The following TNFRSF10C variants were observed in gnomAD, a reference collection of about 807,000 sequenced individuals.
TNFRSF10C encodes tumor necrosis factor receptor superfamily member 10C.
TNFRSF10C carries 17 observed loss-of-function variants against 16.7 expected under a neutral mutation model. That is an observed-to-expected ratio of 1.02 (90% confidence interval 0.70 to 1.53). The LOEUF is 1.53. Among genes scored for constraint, TNFRSF10C ranks in the 40% most tolerant of loss-of-function variants. The pLI is 0.00. For synonymous variants in TNFRSF10C, 73 were observed against 119.7 expected (o/e 0.61, Z 2.55); for missense variants, 237 against 329.7 (o/e 0.72, Z 2.18).
At chr8:23,108,440 T>C (rs2128830374) in intron 1 of TNFRSF10C, among the ~76,000 whole-genome samples, 1 of 152,304 alleles carries the variant, frequency 6.6e-6, no homozygotes, top group East Asian at 1.9e-4. Context: ...GAGACACAGT[T>C]ATCAACTACC....
intron 1 of TNFRSF10C, among the ~76,000 whole-genome samples, chr8:23,107,206 G>A (rs4871849): frequency 0.62 from 94,960 of 151,996 alleles, 30,165 homozygotes; most frequent in Non-Finnish European, 0.69. Flanking sequence ...CAAACAAACA[G>A]AAAAACAGAA....
intron 1 of TNFRSF10C, among the ~76,000 whole-genome samples, chr8:23,110,376 AT>A (rs1201996301): frequency 6.6e-6 from 1 of 152,158 alleles, no homozygotes; most frequent in South Asian, 2.1e-4. Context: ...CATTGTAACC[AT>A]TTTGGTTTTG....
At chr8:23,106,609 G>T (rs1260136398) in intron 1 of TNFRSF10C, among the ~76,000 whole-genome samples, 1 of 152,158 alleles carries the variant, frequency 6.6e-6, no homozygotes, top group Non-Finnish European at 1.5e-5. Context: ...GTAACTATGT[G>T]AGGAGCTAAA....
In TNFRSF10C at chr8:23,114,813, GC is replaced by G. The variant is rs748217175; in HGVS notation, c.280+44del. 4.6e-4 allele frequency: 712 copies of G among 1,557,872 alleles called. No individual in the cohort carries two copies. The African/African-American group carries it at 8.3e-3, about 18-fold the overall frequency. On this transcript the variant is annotated intron_variant, in intron 3 of 4. Transcript: ENST00000356864. ...CTCTTGTCCAGAGGTGGAGCGTGGG[GC>G]AATGAGGTGGGAGTTGTAGCCGATA...
Position 23,114,758 on chromosome 8 carries a change from GT to G in TNFRSF10C, c.271del (p.Cys91ValfsTer13), listed in dbSNP as rs537005361. 5.5e-3 allele frequency: 8,868 copies of G among 1,613,780 alleles called. 36 individuals are homozygous for G. Among genetic ancestry groups the G allele is most frequent in the Non-Finnish European group, 6.9e-3 (8,197 of 1,179,682 alleles). ...NNEPSCFPCT[V>X]CKSDQKHKSS... is the part of the protein sequence containing the mutation. ...TGAACCTTCTTGCTTCCCATGTACA[GT>G]TTGTAAATCAGGTACAGAATGTGTG... On this transcript the variant is annotated frameshift_variant, in exon 3 of 5. Transcript: ENST00000356864. LOFTEE classifies it high-confidence loss of function.
At chr8:23,106,457 T>G (rs1813779330) in intron 1 of TNFRSF10C, among the ~76,000 whole-genome samples, 1 of 147,578 alleles carries the variant, frequency 6.8e-6, no homozygotes. Context: ...TAGCTGGGCC[T>G]GAGAATTTGA....
chr8:23,110,623 G>A (rs1460858937), intron 1 of TNFRSF10C, among the ~76,000 whole-genome samples: 1 of 152,150 alleles, frequency 6.6e-6, no homozygotes, highest in Non-Finnish European at 1.5e-5. Context: ...TAGAGATCAT[G>A]GCCAGAATCC....
rs61058025 is a variant in TNFRSF10C, at chr8:23,106,428, ATT to A, written c.60+3265_60+3266del. The stretch of plus-strand genomic sequence containing the variant: ...TCTCCTTTAGATGCCCCCCCACCCG[ATT>A]TTTTTTTTTTTTTTTTTAGCTGGGC... On this transcript the variant is annotated intron_variant, in intron 1 of 4. Transcript: ENST00000356864. 2.8e-4 allele frequency among the ~76,000 whole-genome samples: 36 copies of A among 129,964 alleles called. 1 individual carries two copies. The highest frequency in any genetic ancestry group is 4.0e-4 in the African/African-American group (14 of 34,678). 85.3% of individuals were successfully genotyped at this position (129,964 alleles called of 152,430 possible).
rs1310257958 is a variant in TNFRSF10C at position 23,116,653 on chromosome 8, G to A, written c.402G>A (p.Gly134=). 18 of 1,613,660 alleles carry A rather than the reference G, an allele frequency of 1.1e-5. No individual in the cohort carries two copies. The East Asian group carries it at 3.3e-4, about 30-fold the overall frequency. Reference sequence around the variant, plus strand: ...TGTGTGTACCCAGGTGCCCTAGTGGGGAAGTCCAAGTCAGTAATTGTACGT... The same window carrying A: ...TGTGTGTACCCAGGTGCCCTAGTGGAGAAGTCCAAGTCAGTAATTGTACGT... ...MCRKCSRCPS[G]EVQVSNCTSW... The change falls in exon 5 of 5, where the codon GGG becomes GGA. Residue 134 remains glycine (G), a synonymous_variant. Transcript: ENST00000356864.
intron 1 of TNFRSF10C, among the ~76,000 whole-genome samples, chr8:23,106,424 C>A (rs1201435308): frequency 6.8e-6 from 1 of 147,554 alleles, no homozygotes; most frequent in Non-Finnish European, 1.5e-5. Flanking sequence ...TGCCCCCCCA[C>A]CCGATTTTTT....
intron 1 of TNFRSF10C, 40 bp downstream of exon 1, chr8:23,103,221 C>T: frequency 1.9e-6 from 3 of 1,595,430 alleles, no homozygotes; most frequent in Non-Finnish European, 2.6e-6. Flanking sequence ...GAAGAGCGCA[C>T]CTGGCGCCGG....
In TNFRSF10C at chr8:23,103,110, G is replaced by C; in HGVS notation, c.-12G>C. The stretch of plus-strand genomic sequence containing the variant: ...GCGACCCAGGACCCAGGACGGCGTC[G>C]GGAACCATACCATGGCCCGGATCCC... On this transcript the variant is annotated 5_prime_UTR_variant, in exon 1 of 5. Transcript: ENST00000356864. 1 of 1,609,850 alleles carries C rather than the reference G, an allele frequency of 6.2e-7. No individual in the cohort carries two copies. Among genetic ancestry groups the C allele is most frequent in the Non-Finnish European group, 8.5e-7 (1 of 1,178,444 alleles).
Position 23,111,832 on chromosome 8 carries a change from T to A in TNFRSF10C, c.166+7T>A, listed in dbSNP as rs750495872. The stretch of plus-strand genomic sequence containing the variant: ...GGGGAGGAGTGTCCAGCAGGTGCAC[T>A]CTTATTTTTAAAAATCAGTTTATTT... On this transcript the variant is annotated splice_region_variant and intron_variant, in intron 2 of 4. Coordinates refer to ENST00000356864, the MANE Select transcript of TNFRSF10C (RefSeq NM_003841.5). 3.7e-6 allele frequency: 6 copies of A among 1,612,464 alleles called. No individual in the cohort carries two copies. The African/African-American group carries it at 8.0e-5, about 22-fold the overall frequency.
chr8:23,110,698 C>CT (rs1813864904), intron 1 of TNFRSF10C, among the ~76,000 whole-genome samples: 1 of 152,092 alleles, frequency 6.6e-6, no homozygotes, highest in African/African-American at 2.4e-5. Context: ...TGACAAGGTC[C>CT]TTTGTAAAGC....
At chr8:23,108,298 A>G (rs193078640) in intron 1 of TNFRSF10C, among the ~76,000 whole-genome samples, 76 of 152,318 alleles carry the variant, frequency 5.0e-4, no homozygotes, top group African/African-American at 1.7e-3. Flanking sequence ...AGGTTGGCCT[A>G]CTTCCAGGAT....
chr8:23,115,714 C>T, intron 4 of TNFRSF10C, 98 bp downstream of exon 4: 1 of 945,894 alleles, frequency 1.1e-6, no homozygotes. Flanking sequence ...ATGGAGCCTC[C>T]AGACCCATGG....
rs1235920756 is a variant in TNFRSF10C at position 23,116,649 on chromosome 8, G to C, written c.398G>C (p.Ser133Thr). ...TCTCTGTGTGTACCCAGGTGCCCTAGTGGGGAAGTCCAAGTCAGTAATTGT... is the reference window on the plus strand; with the variant it reads ...TCTCTGTGTGTACCCAGGTGCCCTACTGGGGAAGTCCAAGTCAGTAATTGT... ...EMCRKCSRCP[S>T]GEVQVSNCTS... The change falls in exon 5 of 5, where the codon AGT becomes ACT. Residue 133 changes from serine to threonine, a missense_variant. Physicochemically the swap from Ser to Thr is moderately conservative, Grantham distance 58. Coordinates refer to ENST00000356864, the MANE Select transcript of TNFRSF10C (RefSeq NM_003841.5). The C allele has an allele frequency of 1.9e-6, 3 of 1,613,506 alleles. No homozygotes were observed. Among genetic ancestry groups the C allele is most frequent in the Non-Finnish European group, 2.5e-6 (3 of 1,179,652 alleles).
At chr8:23,111,370 C>T (rs1197772717) in intron 1 of TNFRSF10C, among the ~76,000 whole-genome samples, 1 of 152,060 alleles carries the variant, frequency 6.6e-6, no homozygotes. Flanking sequence ...GTGTGTGCCA[C>T]CACACCCAGC....
intron 3 of TNFRSF10C, among the ~76,000 whole-genome samples, chr8:23,115,165 C>A (rs1346474558): frequency 1.4e-5 from 2 of 138,864 alleles, no homozygotes; most frequent in African/African-American, 5.0e-5. Flanking sequence ...CCCCAGCAGG[C>A]CCAGGCTTTG....
Sources: gnomAD v4.1 joint callset for allele counts (sites outside exome capture counted in the v4.1 genomes callset) on GRCh38, gnomAD v4.1.1 for gene constraint, MANE v1.5 for transcripts, NCBI Gene and HGNC (gene_info 2026-07-23, HGNC 2026-07-21) for gene names.